Variants in UMAD1 observed in about 807,000 individuals in gnomAD.
UMAD1 encodes the protein UBAP1-MVB12-associated (UMA) domain containing 1.
A neutral mutation model predicts 6.1 loss-of-function variants in UMAD1; 8 were observed. The ratio of observed to expected loss-of-function variants is 1.30; its 90% confidence interval spans 0.76 to 2.35. The LOEUF (loss-of-function observed/expected upper bound fraction) is 2.35. UMAD1 is among the 30% of genes most tolerant of loss of function. The probability of loss-of-function intolerance (pLI) is 0.00; values close to 1 mark genes in which losing one functional copy is unlikely to be tolerated. For missense variants in UMAD1, 130 were observed against 78.4 expected (o/e 1.66, Z -2.49); for synonymous variants, 56 against 31.4 (o/e 1.78, Z -2.61).
intron 3 of UMAD1, among the ~76,000 whole-genome samples, chr7:7,803,311 C>T (rs933454224): frequency 1.3e-5 from 2 of 152,104 alleles, no homozygotes; most frequent in African/African-American, 4.8e-5. Context: ...CTCATCTCTA[C>T]AAAAAATTTA....
chr7:7,714,042 T>A (rs1487674636), intron 2 of UMAD1, among the ~76,000 whole-genome samples: 1 of 152,248 alleles, frequency 6.6e-6, no homozygotes, highest in Non-Finnish European at 1.5e-5. Context: ...GAGTTATTTT[T>A]AAATGTTTTA....
chr7:7,663,384 G>T (rs1053019140), intron 1 of UMAD1, among the ~76,000 whole-genome samples: 1 of 152,020 alleles, frequency 6.6e-6, no homozygotes, highest in African/African-American at 2.4e-5. Flanking sequence ...TTTCCAAGCT[G>T]TTCTGTGGAG....
chr7:7,780,974 C>A lies in UMAD1; in HGVS notation c.83-20696C>A, dbSNP rs148254628. On this transcript the variant is annotated intron_variant, in intron 2 of 3. Transcript: ENST00000682710. Reference sequence around the variant, plus strand: ...TTAGAAATAACACTATAATAAACATCTTTCTGTAAATACTTGAAGAAATTT... The same window carrying A: ...TTAGAAATAACACTATAATAAACATATTTCTGTAAATACTTGAAGAAATTT... 1.5e-3 allele frequency among the ~76,000 whole-genome samples: 224 copies of A among 152,284 alleles called. 2 individuals are homozygous for A. The highest frequency in any genetic ancestry group is 5.2e-3 in the African/African-American group (216 of 41,538).
rs564815689 is a variant in UMAD1 at position 7,670,574 on chromosome 7, C to T, written c.-63-2735C>T. ...ACTACTATAGGCAAAGTAACTCACC[C>T]CTCCCCAAGGCAGTCTGTCTCATTG... On this transcript the variant is annotated intron_variant, in intron 1 of 3. Coordinates refer to ENST00000682710, the MANE Select transcript of UMAD1 (RefSeq NM_001302348.2). Among the ~76,000 whole-genome samples the T allele has an allele frequency of 1.1e-4, 17 of 152,242 alleles. No homozygotes were observed. In the South Asian group the frequency reaches 3.5e-3, roughly 32 times the overall value.
intron 1 of UMAD1, among the ~76,000 whole-genome samples, chr7:7,659,995 G>A (rs1181870285): frequency 1.3e-5 from 2 of 152,016 alleles, no homozygotes; most frequent in African/African-American, 4.8e-5. Context: ...CTGTATTGGA[G>A]GCATATATAT....
At chr7:7,704,045 C>G (rs1459006509) in intron 2 of UMAD1, among the ~76,000 whole-genome samples, 1 of 152,136 alleles carries the variant, frequency 6.6e-6, no homozygotes, top group Non-Finnish European at 1.5e-5. Flanking sequence ...CAAGGAGATA[C>G]TTTGATGGAA....
intron 2 of UMAD1, among the ~76,000 whole-genome samples, chr7:7,750,600 CTG>C (rs1238919069): frequency 6.6e-6 from 1 of 152,190 alleles, no homozygotes; most frequent in African/African-American, 2.4e-5. Context: ...TACAACACTA[CTG>C]TGTGTAAGGC....
At chr7:7,651,514 A>G (rs1244568610) in intron 1 of UMAD1, among the ~76,000 whole-genome samples, 2 of 152,126 alleles carry the variant, frequency 1.3e-5, no homozygotes, top group Admixed American at 6.5e-5. Context: ...TCCTGTCCAT[A>G]TTATTTTCCC....
chr7:7,655,409 TA>T (rs1785317256), intron 1 of UMAD1, among the ~76,000 whole-genome samples: 1 of 152,116 alleles, frequency 6.6e-6, no homozygotes. Flanking sequence ...AAAAATAAAA[TA>T]AATTAAATGA....
chr7:7,872,679 G>C (rs752209025), intron 3 of UMAD1, among the ~76,000 whole-genome samples: 1 of 152,188 alleles, frequency 6.6e-6, no homozygotes, highest in Non-Finnish European at 1.5e-5. Flanking sequence ...GTAAAAAATG[G>C]AGTATCTATG....
At chr7:7,778,395 C>G (rs1414935606) in intron 2 of UMAD1, among the ~76,000 whole-genome samples, 1 of 151,510 alleles carries the variant, frequency 6.6e-6, no homozygotes, top group Non-Finnish European at 1.5e-5. Context: ...TTCAAATTTT[C>G]TGTAGATTTA....
chr7:7,657,547 C>T (rs1203709801), intron 1 of UMAD1, among the ~76,000 whole-genome samples: 1 of 152,106 alleles, frequency 6.6e-6, no homozygotes, highest in Admixed American at 6.5e-5. Context: ...TCAGTTTTCC[C>T]AACAGCATTT....
intron 2 of UMAD1, among the ~76,000 whole-genome samples, chr7:7,770,094 T>C (rs1286450275): frequency 6.6e-6 from 1 of 152,206 alleles, no homozygotes; most frequent in African/African-American, 2.4e-5. Context: ...GGAACCGCTG[T>C]TCTCAGGCAG....
At chr7:7,643,724 A>T (rs966020667) in intron 1 of UMAD1, among the ~76,000 whole-genome samples, 4 of 5,446 alleles carry the variant, frequency 7.3e-4, no homozygotes, top group Admixed American at 7.2e-3. Flanking sequence ...AAAAAAAAAA[A>T]ACAAACAAAC....
intron 1 of UMAD1, among the ~76,000 whole-genome samples, chr7:7,647,632 G>A (rs1563080942): frequency 6.6e-6 from 1 of 152,154 alleles, no homozygotes; most frequent in South Asian, 2.1e-4. Flanking sequence ...TTAAGAGACA[G>A]GGTCTTCCTC....
chr7:7,682,769 A>G (rs1053314377), intron 2 of UMAD1, among the ~76,000 whole-genome samples: 5 of 152,214 alleles, frequency 3.3e-5, no homozygotes, highest in Admixed American at 1.3e-4. Flanking sequence ...CTCGATTTAC[A>G]TTTAATTTAC....
intron 1 of UMAD1, among the ~76,000 whole-genome samples, chr7:7,644,086 T>C (rs191482174): frequency 1.0e-3 from 158 of 152,312 alleles, no homozygotes; most frequent in African/African-American, 3.7e-3. Context: ...TTTACAGTTA[T>C]TGTATATTCT....
chr7:7,745,006 T>G (rs1055710798), intron 2 of UMAD1, among the ~76,000 whole-genome samples: 1 of 152,232 alleles, frequency 6.6e-6, no homozygotes, highest in Non-Finnish European at 1.5e-5. Context: ...TGACTGGAAG[T>G]CTTACTGATA....
chr7:7,868,740 C>A (rs1237890611), intron 3 of UMAD1: 2 of 152,168 alleles, frequency 1.3e-5, no homozygotes, highest in Non-Finnish European at 2.9e-5. Flanking sequence ...AAAACTAACA[C>A]CTAGGCCACA....
Sources: allele counts gnomAD v4.1 joint callset (sites outside exome capture counted in the v4.1 genomes callset), GRCh38; gene constraint gnomAD v4.1.1; transcripts MANE v1.5; gene names NCBI Gene and HGNC (gene_info 2026-07-23, HGNC 2026-07-21).